The following PLEKHA4 variants were observed in gnomAD, a reference collection of about 807,000 sequenced individuals.
The protein encoded by PLEKHA4 is pleckstrin homology domain-containing family A member 4.
In PLEKHA4, 73 loss-of-function variants were observed where a neutral mutation model predicts 94.7. The ratio of observed to expected loss-of-function variants is 0.77; its 90% confidence interval spans 0.64 to 0.94. The LOEUF (loss-of-function observed/expected upper bound fraction) is 0.94, where lower values mean the gene tolerates loss of function less well. Ranked by LOEUF, PLEKHA4 falls within the 40% of genes least tolerant of loss-of-function variation. The probability of loss-of-function intolerance (pLI) is 0.00; values close to 1 mark genes in which losing one functional copy is unlikely to be tolerated. For missense variants in PLEKHA4, 1,049 were observed against 1,054.1 expected, an observed-to-expected ratio of 1.00 and a Z score of 0.07; for synonymous variants, 449 against 437.1, an observed-to-expected ratio of 1.03 and a Z score of -0.34.
At chr19:48,847,781 A>G (rs1040442669) in intron 14 of PLEKHA4, 119 bp downstream of exon 14, 20 of 1,218,134 alleles carry the variant, frequency 1.6e-5, no homozygotes, top group Admixed American at 9.5e-5. Flanking sequence ...AGGTTAGGAC[A>G]CTTGTACCAG....
chr19:48,865,691 G>T (rs550776583), intron 2 of PLEKHA4, 81 bp from the exon 3 acceptor site: 1 of 936,226 alleles, frequency 1.1e-6, no homozygotes, highest in Non-Finnish European at 1.7e-6. Flanking sequence ...ACAGGCAACC[G>T]TAGGCTCTCG....
At chr19:48,857,394 T>C in intron 9 of PLEKHA4, 28 bp downstream of exon 9, 1 of 1,132,136 alleles carries the variant, frequency 8.8e-7, no homozygotes, top group Non-Finnish European at 1.3e-6. Flanking sequence ...GGGGCTCCGG[T>C]AGATTTAGGG....
intron 2 of PLEKHA4, among the ~76,000 whole-genome samples, chr19:48,866,018 A>G (rs963228733): frequency 1.4e-5 from 2 of 144,804 alleles, no homozygotes; most frequent in South Asian, 2.2e-4. Flanking sequence ...CGTCTCAAAG[A>G]AAAAAAAAAA....
chr19:48,847,961 G>A lies in PLEKHA4; in HGVS notation c.1505C>T (p.Pro502Leu), dbSNP rs1394650462. Residue 502 changes from proline (P) to leucine (L), a missense_variant, in exon 14 of 20, where the codon CCA (proline) becomes CTA (leucine). Transcript: ENST00000263265. ...AGATGGGGAGTCAGGCTCAGTGTGT[G>A]GGGGCGGTTTCTGGGGGCCACCCAG... Reference protein sequence around the residue: ...AGLGGPQKPPPHTEPDSPSPV... With the variant: ...AGLGGPQKPPLHTEPDSPSPV... 8 of 1,612,474 alleles carry A rather than the reference G, an allele frequency of 5.0e-6. No homozygotes were observed. The highest frequency in any genetic ancestry group is 6.8e-6 in the Non-Finnish European group (8 of 1,179,392).
Position 48,837,279 on chromosome 19 carries a change from T to C in PLEKHA4, c.*10A>G, listed in dbSNP as rs778423865. ...CCTCGCGCTCCGATTGGCTGCCGCTTTTGGGCGGATTAGAAGCTGGATTGT... is the reference window on the plus strand; with the variant it reads ...CCTCGCGCTCCGATTGGCTGCCGCTCTTGGGCGGATTAGAAGCTGGATTGT... On this transcript the variant is annotated 3_prime_UTR_variant, in exon 20 of 20. Coordinates refer to ENST00000263265, the MANE Select transcript of PLEKHA4 (RefSeq NM_020904.3). This position sits in a 1 kb window ranked among gnomAD's most constrained non-coding sequence, Gnocchi z 4.3. The C allele has an allele frequency of 3.7e-6, 6 of 1,613,760 alleles. No homozygotes were observed.
intron 12 of PLEKHA4, 104 bp downstream of exon 12, chr19:48,853,578 T>TCG: frequency 8.4e-7 from 1 of 1,197,272 alleles, no homozygotes; most frequent in Admixed American, 3.5e-5. Flanking sequence ...TGTAGACTTC[T>TCG]GAAGAACGAT....
intron 16 of PLEKHA4, among the ~76,000 whole-genome samples, chr19:48,843,785 G>A (rs548271153): frequency 1.3e-5 from 2 of 152,120 alleles, no homozygotes; most frequent in East Asian, 3.9e-4. Flanking sequence ...AGCCTCCTAA[G>A]TAGCTGGGAT....
intron 3 of PLEKHA4, among the ~76,000 whole-genome samples, chr19:48,864,717 C>T (rs2036770634): frequency 2.6e-5 from 4 of 151,888 alleles, no homozygotes; most frequent in South Asian, 2.1e-4. Context: ...CACACCACCA[C>T]GCTCAGCTAG....
chr19:48,863,565 G>C (rs1489863995), intron 3 of PLEKHA4, among the ~76,000 whole-genome samples: 1 of 151,722 alleles, frequency 6.6e-6, no homozygotes, highest in Non-Finnish European at 1.5e-5. Context: ...CAAGTAGCTG[G>C]GACTGCAGGC....
Position 48,838,086 on chromosome 19 carries a change from G to A in PLEKHA4, c.2008C>T (p.Arg670Trp), listed in dbSNP as rs752646130. The A allele has an allele frequency of 1.2e-5, 20 of 1,613,340 alleles. No homozygotes were observed. Among genetic ancestry groups the A allele is most frequent in the Middle Eastern group, 1.6e-4 (1 of 6,074 alleles). Residue 670 changes from arginine to tryptophan, a missense_variant, in exon 19 of 20, where the codon CGG becomes TGG. Transcript: ENST00000263265. ...TGGGAGAGGCTGAGAACCCGCTCCC[G>A]GTGACCTTCGGAAGTCGGCAAGTAA... is the stretch of plus-strand genomic sequence containing the variant. ...TPYLPTSEGHRERVLSLSQAL... is the reference protein window; with the variant it reads ...TPYLPTSEGHWERVLSLSQAL...
In PLEKHA4 at chr19:48,861,472, C is replaced by G. The variant is rs369244059; in HGVS notation, c.295G>C (p.Val99Leu). Residue 99 changes from valine to leucine, a missense_variant, in exon 5 of 20, where the codon GTC becomes CTC. Transcript: ENST00000263265. Reference protein sequence around the residue: ...DSREESVLGSVLLPSYNIRPD... With the variant: ...DSREESVLGSLLLPSYNIRPD... ...CTAATATTGTAGCTGGGGAGCAGGA[C>G]GCTGCCTAGGACACTCTCCTCGCGG... 9.9e-6 allele frequency: 16 copies of G among 1,613,976 alleles called. No individual in the cohort carries two copies. Among genetic ancestry groups the G allele is most frequent in the Non-Finnish European group, 1.3e-5 (15 of 1,180,038 alleles).
At chr19:48,863,434 T>TTTTG (rs2036718826) in intron 3 of PLEKHA4, among the ~76,000 whole-genome samples, 1 of 96,730 alleles carries the variant, frequency 1.0e-5, no homozygotes, top group Admixed American at 1.0e-4. Flanking sequence ...GGTTTTTTGT[T>TTTTG]TTTTTTTTTT....
chr19:48,867,939 C>T lies in PLEKHA4; in HGVS notation c.-7+144G>A. On this transcript the variant is annotated intron_variant, in intron 1 of 19. Transcript: ENST00000263265. This position sits in a 1 kb window ranked among gnomAD's most constrained non-coding sequence, Gnocchi z 4.7. The stretch of plus-strand genomic sequence containing the variant: ...GTGCTTAGGGACTCCCCATTCCCTG[C>T]CTCCTTCCGGCTGCCCCAGGCTACC... 3.3e-6 allele frequency: 1 copy of T among 305,436 alleles called. No homozygotes were observed. The highest frequency in any genetic ancestry group is 5.5e-5 in the East Asian group (1 of 18,254). 18.9% of individuals were successfully genotyped at this position (305,436 alleles called of 1,614,324 possible).
In PLEKHA4 at chr19:48,861,502, C is replaced by CT; in HGVS notation, c.266-2dup. 6.2e-7 allele frequency: 1 copy of CT among 1,614,038 alleles called. No homozygotes were observed. The highest frequency in any genetic ancestry group is 1.1e-5 in the South Asian group (1 of 91,084). On this transcript the variant is annotated splice_acceptor_variant, in intron 4 of 19. Transcript: ENST00000263265. LOFTEE classifies it high-confidence loss of function. ...CCTAGGACACTCTCCTCGCGGCTGTCTGCAAAGAGGGGCTGGGGTCAAGGA... is the reference window on the plus strand; with the variant it reads ...CCTAGGACACTCTCCTCGCGGCTGTCTTGCAAAGAGGGGCTGGGGTCAAGGA...
At chr19:48,860,194 A>G in intron 6 of PLEKHA4, 156 bp downstream of exon 6, 1 of 636,538 alleles carries the variant, frequency 1.6e-6, no homozygotes, top group East Asian at 2.7e-5. Context: ...GCTGATTGGA[A>G]AAGTTCCCTG....
chr19:48,852,420 G>C (rs2036235091), intron 12 of PLEKHA4, 94 bp from the exon 13 acceptor site: 7 of 992,548 alleles, frequency 7.1e-6, no homozygotes, highest in South Asian at 2.8e-5. Context: ...GGAGATAAGG[G>C]AGTTTGGTCC....
At position 48,862,277 on chromosome 19, in the gene PLEKHA4, G is replaced by A. The variant is rs545727113; in HGVS notation, c.193-585C>T. Among the ~76,000 whole-genome samples the A allele has an allele frequency of 1.2e-4, 17 of 146,352 alleles. No individual in the cohort carries two copies. In the South Asian group the frequency reaches 1.5e-3, roughly 13 times the overall value. On this transcript the variant is annotated intron_variant, in intron 3 of 19. Transcript: ENST00000263265. ...GAGCAGTGGCATGATCTCGGCTCAC[G>A]GCAACCTCTGCCTCCCAGGTTCAAA... is the stretch of plus-strand genomic sequence containing the variant.
At chr19:48,861,556 T>A in intron 4 of PLEKHA4, 55 bp from the exon 5 acceptor site, 1 of 1,612,348 alleles carries the variant, frequency 6.2e-7, no homozygotes, top group Non-Finnish European at 8.5e-7. Context: ...GCCAAGATGC[T>A]AGAGAGAAGG....
At chr19:48,863,825 A>G (rs2036736864) in intron 3 of PLEKHA4, among the ~76,000 whole-genome samples, 1 of 151,254 alleles carries the variant, frequency 6.6e-6, no homozygotes, top group Admixed American at 6.6e-5. Context: ...ACCTGCCTCG[A>G]CCTCCCGAAG....
Sources: allele counts gnomAD v4.1 joint callset (sites outside exome capture counted in the v4.1 genomes callset), GRCh38; gene constraint gnomAD v4.1.1; non-coding constraint Gnocchi (gnomAD v3.1); transcripts MANE v1.5; gene names NCBI Gene and HGNC (gene_info 2026-07-23, HGNC 2026-07-21).